The following ITGA11 variants were observed in gnomAD, a reference collection of about 807,000 sequenced individuals.
The protein encoded by ITGA11 is integrin alpha-11.
Under a neutral mutation model 141.9 loss-of-function variants are expected in ITGA11, and 97 were observed. The observed-to-expected ratio is 0.68, with a 90% CI of 0.58 to 0.81. ITGA11 has a LOEUF of 0.81. Among genes scored for constraint, ITGA11 ranks in the 30% least tolerant of loss-of-function variants. The probability of loss-of-function intolerance (pLI) is 0.00; values close to 1 mark genes in which losing one functional copy is unlikely to be tolerated. For synonymous variants in ITGA11, 658 were observed against 624.6 expected, an observed-to-expected ratio of 1.05 and a Z score of -0.80; for missense variants, 1,387 against 1,559.2, an observed-to-expected ratio of 0.89 and a Z score of 1.86.
Position 68,303,650 on chromosome 15 carries a change from AG to A in ITGA11, c.3495+121del. 1.6e-6 allele frequency: 1 copy of A among 631,996 alleles called. No homozygotes were observed. Among genetic ancestry groups the A allele is most frequent in the Non-Finnish European group, 2.8e-6 (1 of 356,440 alleles). The allele number at this position is 631,996 out of a possible 1,614,324, so 39.1% of individuals were successfully genotyped here. A position where few individuals can be genotyped will look rare whatever the true frequency, so the allele number is the denominator to read the frequency against. On this transcript the variant is annotated intron_variant, in intron 29 of 29. Coordinates refer to ENST00000315757, the MANE Select transcript of ITGA11 (RefSeq NM_001004439.2). The surrounding 1 kb of genome is among the most constrained non-coding windows in gnomAD (Gnocchi z 5.3). ...CCTAACCAGTGTGTCTGCTATGGCG[AG>A]GGGTGGGGTGCCAGCTCCCCTGGAG... is the stretch of plus-strand genomic sequence containing the variant.
chr15:68,405,879 C>T (rs946559822), intron 1 of ITGA11, among the ~76,000 whole-genome samples: 2 of 152,148 alleles, frequency 1.3e-5, no homozygotes, highest in Admixed American at 1.3e-4. Flanking sequence ...CACACATGCA[C>T]ACGCACACAG....
Position 68,307,941 on chromosome 15 carries a change from A to G in ITGA11, c.3175-245T>C, listed in dbSNP as rs1893255804. On this transcript the variant is annotated intron_variant, in intron 26 of 29. Transcript: ENST00000315757. This position sits in a 1 kb window ranked among gnomAD's most constrained non-coding sequence, Gnocchi z 6.1. ...ATTGTGACCGGCCTGGATATATTCC[A>G]GGGACAGAACTTTTGTTCAACATTA... Among the ~76,000 whole-genome samples the G allele has an allele frequency of 1.3e-5, 2 of 152,230 alleles. No individual in the cohort carries two copies. The highest frequency in any genetic ancestry group is 2.9e-5 in the Non-Finnish European group (2 of 68,038).
chr15:68,314,372 GA>G (rs374534838), intron 22 of ITGA11, among the ~76,000 whole-genome samples: 543 of 152,334 alleles, frequency 3.6e-3, no homozygotes, highest in African/African-American at 6.9e-3. Context: ...AGAAGGCTGG[GA>G]GTGAAATTCA....
chr15:68,402,720 G>A (rs73433949), intron 2 of ITGA11, among the ~76,000 whole-genome samples, 198 bp downstream of exon 2: 5,694 of 152,294 alleles, frequency 0.037, 170 homozygotes, highest in African/African-American at 0.084. Flanking sequence ...TACAGGGCTT[G>A]AGAAATTGAA....
In ITGA11 at chr15:68,326,652, A is replaced by G. The variant is rs1184680448; in HGVS notation, c.2211+2T>C. 1 of 1,587,072 alleles carries G rather than the reference A, an allele frequency of 6.3e-7. No individual in the cohort carries two copies. The highest frequency in any genetic ancestry group is 1.2e-5 in the South Asian group (1 of 86,310). On this transcript the variant is annotated splice_donor_variant, in intron 17 of 29. Transcript: ENST00000315757. LOFTEE classifies it high-confidence loss of function. The surrounding 1 kb of genome is among the most constrained non-coding windows in gnomAD (Gnocchi z 6.8). ...GCTCTGCTGGTGGGGCTGCCAGCTT[A>G]CCAGGACATGGAAGTTGATCCGCTC...
chr15:68,367,119 A>C (rs1197789995), intron 3 of ITGA11, among the ~76,000 whole-genome samples: 1 of 151,942 alleles, frequency 6.6e-6, no homozygotes. Context: ...CTCCATCCCA[A>C]CTCACTTTGC....
intron 20 of ITGA11, 42 bp downstream of exon 20, chr15:68,320,143 G>T: frequency 6.3e-7 from 1 of 1,576,136 alleles, no homozygotes. Context: ...CTTTTCCTCT[G>T]TGCCAGGCAG....
At chr15:68,374,008 A>T (rs1040226620) in intron 2 of ITGA11, among the ~76,000 whole-genome samples, 1 of 152,232 alleles carries the variant, frequency 6.6e-6, no homozygotes, top group Non-Finnish European at 1.5e-5. Flanking sequence ...TTATAACTTA[A>T]AACATCCTAA....
At position 68,352,785 on chromosome 15, in the gene ITGA11, A is replaced by G. The variant is rs1056135325; in HGVS notation, c.750-1383T>C. Among the ~76,000 whole-genome samples, 5 of 152,264 alleles carry G rather than the reference A, an allele frequency of 3.3e-5. 1 individual carries two copies. Among genetic ancestry groups the G allele is most frequent in the Middle Eastern group, 6.8e-3 (2 of 294 alleles). On this transcript the variant is annotated intron_variant, in intron 7 of 29. Transcript: ENST00000315757. ...CACCTATCAGGCAATCCAGCCCAGG[A>G]GACAGCAGGGCTGGCACCTCGACCG...
intron 9 of ITGA11, among the ~76,000 whole-genome samples, chr15:68,350,150 G>A (rs533646632): frequency 8.5e-5 from 13 of 152,252 alleles, no homozygotes; most frequent in Non-Finnish European, 1.2e-4. Context: ...ACAGCCTCAC[G>A]TCCGGCACGG....
chr15:68,375,368 C>G (rs1567149528), intron 2 of ITGA11, among the ~76,000 whole-genome samples: 1 of 152,350 alleles, frequency 6.6e-6, no homozygotes, highest in South Asian at 2.1e-4. Context: ...CTTTCTCTCC[C>G]TCTCTCTCCA....
At chr15:68,376,691 G>A (rs1895737164) in intron 2 of ITGA11, among the ~76,000 whole-genome samples, 1 of 152,238 alleles carries the variant, frequency 6.6e-6, no homozygotes, top group South Asian at 2.1e-4. Context: ...GCAAGCTCTG[G>A]CAGGGGAAGG....
At chr15:68,378,874 C>G (rs994609269) in intron 2 of ITGA11, among the ~76,000 whole-genome samples, 7 of 152,150 alleles carry the variant, frequency 4.6e-5, no homozygotes, top group African/African-American at 1.7e-4. Flanking sequence ...CTCTGGTTTG[C>G]ACTTGACAAC....
rs376065060 is a variant in ITGA11 at position 68,357,174 on chromosome 15, C to T, written c.726G>A (p.Thr242=). The T allele has an allele frequency of 3.2e-5, 52 of 1,612,914 alleles. No individual in the cohort carries two copies. The Admixed American group carries it at 3.5e-4, about 11-fold the overall frequency. Residue 242 remains threonine, a synonymous_variant, in exon 7 of 30, where the codon ACG becomes ACA. Transcript: ENST00000315757. The stretch of plus-strand genomic sequence containing the variant: ...ACCGTGCAAATTCAATGCCAAATGC[C>T]GTCCGGGTCTCTGTTCCTCCTCTCT... ...IEQRGGTETR[T]AFGIEFARSE... is the part of the protein sequence containing the mutation.
intron 1 of ITGA11, among the ~76,000 whole-genome samples, chr15:68,430,044 C>T (rs76644540): frequency 1.1e-3 from 175 of 152,298 alleles, no homozygotes; most frequent in Non-Finnish European, 1.8e-3. Flanking sequence ...ATTGCACACA[C>T]GCTAGGGCCC....
Position 68,304,585 on chromosome 15 carries a change from G to A in ITGA11, c.3382-700C>T, listed in dbSNP as rs537112975. 2.0e-5 allele frequency among the ~76,000 whole-genome samples: 3 copies of A among 152,238 alleles called. No homozygotes were observed. The highest frequency in any genetic ancestry group is 2.1e-4 in the South Asian group (1 of 4,820). On this transcript the variant is annotated intron_variant, in intron 28 of 29. Coordinates refer to ENST00000315757, the MANE Select transcript of ITGA11 (RefSeq NM_001004439.2). The surrounding 1 kb of genome is among the most constrained non-coding windows in gnomAD (Gnocchi z 6.1). ...CTGTGGCTATCACCGTCTACACGCC[G>A]ACTGCTCTCACATTTCTGTCGTCCG...
intron 2 of ITGA11, among the ~76,000 whole-genome samples, chr15:68,371,764 T>C (rs1455071523): frequency 1.3e-5 from 2 of 151,330 alleles, no homozygotes; most frequent in East Asian, 3.9e-4. Context: ...GAAGGGGCCA[T>C]ATCTAGGCAA....
At chr15:68,348,649 C>T (rs904469449) in intron 10 of ITGA11, among the ~76,000 whole-genome samples, 181 bp downstream of exon 10, 2 of 152,134 alleles carry the variant, frequency 1.3e-5, no homozygotes, top group Admixed American at 6.5e-5. Context: ...TGGAAGACCT[C>T]GACTCCCCTC....
Position 68,335,441 on chromosome 15 carries a change from G to A in ITGA11, c.1425+256C>T, listed in dbSNP as rs1242609989. 6.6e-6 allele frequency among the ~76,000 whole-genome samples: 1 copy of A among 152,236 alleles called. No individual in the cohort carries two copies. Among genetic ancestry groups the A allele is most frequent in the Non-Finnish European group, 1.5e-5 (1 of 68,048 alleles). Reference sequence around the variant, plus strand: ...GCCAACCACCTCCCTGTGGGGCAATGGCATTGGCAGCCTTCCCATTCCTCA... The same window carrying A: ...GCCAACCACCTCCCTGTGGGGCAATAGCATTGGCAGCCTTCCCATTCCTCA... On this transcript the variant is annotated intron_variant, in intron 12 of 29. Coordinates refer to ENST00000315757, the MANE Select transcript of ITGA11 (RefSeq NM_001004439.2). The surrounding 1 kb of genome is among the most constrained non-coding windows in gnomAD (Gnocchi z 4.9).
Sources: gnomAD v4.1 joint callset for allele counts (sites outside exome capture counted in the v4.1 genomes callset) on GRCh38, gnomAD v4.1.1 for gene constraint, Gnocchi (gnomAD v3.1) non-coding constraint, MANE v1.5 for transcripts, NCBI Gene and HGNC (gene_info 2026-07-23, HGNC 2026-07-21) for gene names.